The following GHR variants were observed in gnomAD, a reference collection of about 807,000 sequenced individuals.
GHR encodes the protein growth hormone receptor, also known as GH receptor.
GHR carries 35 observed loss-of-function variants against 67.1 expected under a neutral mutation model. The ratio of observed to expected loss-of-function variants is 0.52; its 90% confidence interval spans 0.40 to 0.69. The LOEUF (loss-of-function observed/expected upper bound fraction) is 0.69. Ranked by LOEUF, GHR falls within the 30% of genes least tolerant of loss-of-function variation. GHR has a pLI of 0.00. For synonymous variants in GHR, 272 were observed against 269.1 expected (o/e 1.01, Z -0.10); for missense variants, 792 against 764.6 (o/e 1.04, Z -0.42).
At chr5:42,455,343 C>T (rs1312280187) in intron 1 of GHR, among the ~76,000 whole-genome samples, 2 of 152,116 alleles carry the variant, frequency 1.3e-5, no homozygotes, top group East Asian at 3.9e-4. Context: ...AAAAGGTTCA[C>T]AGTCTGAGTC....
intron 3 of GHR, among the ~76,000 whole-genome samples, chr5:42,650,702 G>T (rs1754981285): frequency 1.3e-5 from 2 of 151,632 alleles, no homozygotes; most frequent in South Asian, 4.2e-4. Context: ...TGTGTTAGAT[G>T]AGTGAATGCA....
At chr5:42,687,054 C>T (rs113265586) in intron 3 of GHR, among the ~76,000 whole-genome samples, 11,734 of 152,108 alleles carry the variant, frequency 0.077, 527 homozygotes, top group Middle Eastern at 0.14. Context: ...AGCCAAATCA[C>T]GAGCAAACTC....
At chr5:42,536,953 G>T (rs141492345) in intron 1 of GHR, among the ~76,000 whole-genome samples, 1 of 151,982 alleles carries the variant, frequency 6.6e-6, no homozygotes, top group Non-Finnish European at 1.5e-5. Context: ...GTGCACAAAG[G>T]TGTTCATAGT....
intron 1 of GHR, among the ~76,000 whole-genome samples, chr5:42,546,980 T>A (rs1242609621): frequency 6.6e-6 from 1 of 152,170 alleles, no homozygotes; most frequent in Non-Finnish European, 1.5e-5. Context: ...GGATCAGGTG[T>A]TTATGGACCA....
intron 3 of GHR, among the ~76,000 whole-genome samples, chr5:42,653,839 G>A (rs912168980): frequency 3.9e-5 from 6 of 152,136 alleles, no homozygotes; most frequent in East Asian, 1.9e-4. Context: ...TCTAAGATAC[G>A]AACTCTGTGT....
chr5:42,582,176 T>C (rs945748916), intron 2 of GHR, among the ~76,000 whole-genome samples: 3 of 152,216 alleles, frequency 2.0e-5, no homozygotes, highest in Non-Finnish European at 1.5e-5. Flanking sequence ...GTGCTGTGGA[T>C]GACATGTAGA....
At chr5:42,455,806 T>G (rs914511931) in intron 1 of GHR, among the ~76,000 whole-genome samples, 1 of 152,212 alleles carries the variant, frequency 6.6e-6, no homozygotes, top group Non-Finnish European at 1.5e-5. Context: ...TCTGGTTTAT[T>G]GGTAAAGGAG....
chr5:42,634,841 C>T lies in GHR; in HGVS notation c.136+5738C>T, dbSNP rs575087540. Among the ~76,000 whole-genome samples, 15 of 152,234 alleles carry T rather than the reference C, an allele frequency of 9.9e-5. 1 individual carries two copies. The South Asian group carries it at 3.1e-3, about 32-fold the overall frequency. ...TCATAAATAGTCCTACTCCTGCCTG[C>T]GGCCCACCACTGCCTCTCTGCTTTC... On this transcript the variant is annotated intron_variant, in intron 3 of 9. Coordinates refer to ENST00000230882, the MANE Select transcript of GHR (RefSeq NM_000163.5).
intron 1 of GHR, among the ~76,000 whole-genome samples, chr5:42,478,297 T>G (rs1745438939): frequency 6.6e-6 from 1 of 152,214 alleles, no homozygotes; most frequent in Non-Finnish European, 1.5e-5. Flanking sequence ...CCTAGTAGTA[T>G]AGTTTGAAGT....
chr5:42,577,490 A>C (rs538603260), intron 2 of GHR, among the ~76,000 whole-genome samples: 1 of 152,260 alleles, frequency 6.6e-6, no homozygotes, highest in South Asian at 2.1e-4. Context: ...ACCCCTTTAT[A>C]GTTGTGTACA....
chr5:42,678,308 A>G (rs1386796718), intron 3 of GHR, among the ~76,000 whole-genome samples: 1 of 152,190 alleles, frequency 6.6e-6, no homozygotes, highest in Admixed American at 6.5e-5. Context: ...CTCTCAAGAT[A>G]AAGAATTATT....
At chr5:42,610,243 C>A (rs549687845) in intron 2 of GHR, among the ~76,000 whole-genome samples, 1 of 152,270 alleles carries the variant, frequency 6.6e-6, no homozygotes, top group East Asian at 1.9e-4. Flanking sequence ...GCTGGCTCCT[C>A]CTTGGCAAAC....
rs547555883 is a variant in GHR at position 42,441,945 on chromosome 5, G to C, written c.-12+17990G>C. 5.5e-4 allele frequency among the ~76,000 whole-genome samples: 84 copies of C among 152,314 alleles called. 1 individual carries two copies. The highest frequency in any genetic ancestry group is 3.1e-3 in the South Asian group (15 of 4,830). On this transcript the variant is annotated intron_variant, in intron 1 of 9. Transcript: ENST00000230882. ...ATCATGTAGGATTCCTGAGAAGATAGAAGAAGTTGGATCCAGAGCACAGCA... is the reference window on the plus strand; with the variant it reads ...ATCATGTAGGATTCCTGAGAAGATACAAGAAGTTGGATCCAGAGCACAGCA...
chr5:42,450,917 G>T (rs1355823158), intron 1 of GHR, among the ~76,000 whole-genome samples: 2 of 152,096 alleles, frequency 1.3e-5, no homozygotes, highest in Admixed American at 6.5e-5. Context: ...ATTATTTAAT[G>T]TCCATGTATT....
intron 1 of GHR, among the ~76,000 whole-genome samples, chr5:42,490,515 A>T (rs1746071753): frequency 2.0e-5 from 3 of 152,234 alleles, no homozygotes; most frequent in Non-Finnish European, 2.9e-5. Flanking sequence ...GGGGCCCATG[A>T]TCCATAGATG....
intron 1 of GHR, among the ~76,000 whole-genome samples, chr5:42,443,195 C>T (rs1303167870): frequency 6.6e-6 from 1 of 152,176 alleles, no homozygotes; most frequent in Non-Finnish European, 1.5e-5. Context: ...TATCATGGCT[C>T]ACAGTGTCTT....
At chr5:42,583,501 A>T (rs1418110423) in intron 2 of GHR, among the ~76,000 whole-genome samples, 1 of 152,228 alleles carries the variant, frequency 6.6e-6, no homozygotes, top group Non-Finnish European at 1.5e-5. Flanking sequence ...TGGGAACAGC[A>T]GGAAAGTGAC....
At chr5:42,558,299 G>T (rs1026454444) in intron 1 of GHR, among the ~76,000 whole-genome samples, 1 of 152,090 alleles carries the variant, frequency 6.6e-6, no homozygotes, top group Admixed American at 6.6e-5. Flanking sequence ...TAACCATAAT[G>T]ATTTTATATG....
intron 3 of GHR, among the ~76,000 whole-genome samples, chr5:42,660,479 C>A: frequency 6.6e-6 from 1 of 152,244 alleles, no homozygotes; most frequent in Non-Finnish European, 1.5e-5. Context: ...GCAGCCACCG[C>A]TGCTGGTACC....
Sources: gnomAD v4.1 joint callset for allele counts (sites outside exome capture counted in the v4.1 genomes callset) on GRCh38, gnomAD v4.1.1 for gene constraint, MANE v1.5 for transcripts, NCBI Gene and HGNC (gene_info 2026-07-23, HGNC 2026-07-21) for gene names.